Variants in CDH13 observed in about 807,000 individuals in gnomAD.
CDH13 encodes the protein cadherin-13.
CDH13 carries 24 observed loss-of-function variants against 63.8 expected under a neutral mutation model. That is an observed-to-expected ratio of 0.38 (90% CI 0.27 to 0.53). The LOEUF (loss-of-function observed/expected upper bound fraction) is 0.53, where lower values mean the gene tolerates loss of function less well. Ranked by LOEUF, CDH13 falls within the 20% of genes least tolerant of loss-of-function variation. The pLI is 0.85. For synonymous variants in CDH13, 503 were observed against 355.3 expected (o/e 1.42, Z -4.67); for missense variants, 1,049 against 903.1 (o/e 1.16, Z -2.07).
At chr16:82,956,038 C>G (rs1015849639) in intron 2 of CDH13, among the ~76,000 whole-genome samples, 5 of 152,156 alleles carry the variant, frequency 3.3e-5, no homozygotes, top group African/African-American at 4.8e-5. Context: ...ATTGAACTCT[C>G]CAAGTGCAAA....
intron 1 of CDH13, among the ~76,000 whole-genome samples, chr16:82,798,187 A>G (rs1340134226): frequency 6.6e-6 from 1 of 152,236 alleles, no homozygotes; most frequent in Non-Finnish European, 1.5e-5. Flanking sequence ...ACACCGTCTC[A>G]TTTAATCAGA....
chr16:83,036,039 A>C (rs1191658292), intron 3 of CDH13, among the ~76,000 whole-genome samples: 30 of 151,936 alleles, frequency 2.0e-4, no homozygotes, highest in Non-Finnish European at 2.9e-5. Flanking sequence ...GGGTGAGGAG[A>C]CTGAGACACA....
At chr16:83,227,845 A>G (rs2039887953) in intron 5 of CDH13, among the ~76,000 whole-genome samples, 1 of 152,150 alleles carries the variant, frequency 6.6e-6, no homozygotes, top group Non-Finnish European at 1.5e-5. Flanking sequence ...TTCAAAGGAC[A>G]TTGATCTGGC....
At chr16:83,285,296 T>A (rs917820598) in intron 5 of CDH13, among the ~76,000 whole-genome samples, 4 of 152,156 alleles carry the variant, frequency 2.6e-5, no homozygotes, top group African/African-American at 4.8e-5. Flanking sequence ...TCCTAGTCAA[T>A]TTCTCCTTGG....
At chr16:83,050,514 C>T (rs1161108347) in intron 3 of CDH13, among the ~76,000 whole-genome samples, 1 of 152,162 alleles carries the variant, frequency 6.6e-6, no homozygotes, top group East Asian at 1.9e-4. Flanking sequence ...TTTTCTTCCT[C>T]TAGTTCTTCT....
At chr16:82,932,379 A>G (rs1369197389) in intron 2 of CDH13, among the ~76,000 whole-genome samples, 1 of 152,144 alleles carries the variant, frequency 6.6e-6, no homozygotes, top group Non-Finnish European at 1.5e-5. Flanking sequence ...TCAGGCAACA[A>G]CCGCTGAAGA....
At chr16:83,494,505 A>G (rs1251248358) in intron 7 of CDH13, among the ~76,000 whole-genome samples, 1 of 152,216 alleles carries the variant, frequency 6.6e-6, no homozygotes, top group Non-Finnish European at 1.5e-5. Context: ...CCAGCAGAGA[A>G]AAATAAGAAA....
At chr16:83,227,813 G>C (rs2039886681) in intron 5 of CDH13, among the ~76,000 whole-genome samples, 1 of 152,174 alleles carries the variant, frequency 6.6e-6, no homozygotes, top group South Asian at 2.1e-4. Context: ...AAGGGATTCA[G>C]CTCAACCTGG....
intron 1 of CDH13, among the ~76,000 whole-genome samples, chr16:82,770,728 G>C (rs947044552): frequency 7.2e-5 from 11 of 151,968 alleles, no homozygotes; most frequent in African/African-American, 2.7e-4. Context: ...TTTTTCTGGA[G>C]ACAGAGTCTC....
intron 1 of CDH13, among the ~76,000 whole-genome samples, chr16:82,635,264 G>T (rs1013994515): frequency 2.0e-5 from 3 of 152,220 alleles, no homozygotes; most frequent in Non-Finnish European, 4.4e-5. Flanking sequence ...AGACATCAGA[G>T]GCAGATGAAG....
At chr16:83,450,010 C>A (rs765534546) in intron 6 of CDH13, among the ~76,000 whole-genome samples, 1 of 152,178 alleles carries the variant, frequency 6.6e-6, no homozygotes, top group Non-Finnish European at 1.5e-5. Flanking sequence ...ATAGTTCCCC[C>A]GCCCCGACCC....
intron 2 of CDH13, among the ~76,000 whole-genome samples, chr16:82,928,015 A>G (rs2042358690): frequency 6.6e-6 from 1 of 152,202 alleles, no homozygotes; most frequent in African/African-American, 2.4e-5. Context: ...TTTGCTGTGT[A>G]TCTCTCATGC....
chr16:83,476,295 C>T (rs2073602632), intron 6 of CDH13, among the ~76,000 whole-genome samples: 1 of 152,166 alleles, frequency 6.6e-6, no homozygotes, highest in Admixed American at 6.5e-5. Flanking sequence ...TATCCCCAGG[C>T]ATTGCCAAAT....
At chr16:83,074,237 C>T (rs559787627) in intron 3 of CDH13, among the ~76,000 whole-genome samples, 8 of 152,116 alleles carry the variant, frequency 5.3e-5, no homozygotes, top group African/African-American at 9.7e-5. Context: ...TGAGCATGTG[C>T]GATATTTCTC....
At chr16:83,770,866 C>G (rs1037661899) in intron 11 of CDH13, among the ~76,000 whole-genome samples, 1 of 152,088 alleles carries the variant, frequency 6.6e-6, no homozygotes, top group African/African-American at 2.4e-5. Flanking sequence ...TTATGCTGAC[C>G]TCCTATCTCA....
intron 4 of CDH13, among the ~76,000 whole-genome samples, chr16:83,186,733 A>C (rs1383564828): frequency 6.6e-6 from 1 of 152,092 alleles, no homozygotes; most frequent in East Asian, 1.9e-4. Flanking sequence ...AGCTCATTGT[A>C]ACTTAGGAAA....
chr16:83,522,540 T>G (rs550331563), intron 7 of CDH13, among the ~76,000 whole-genome samples: 2 of 152,188 alleles, frequency 1.3e-5, no homozygotes, highest in Non-Finnish European at 2.9e-5. Flanking sequence ...CATTTTTGAG[T>G]TACAGGAAAA....
intron 7 of CDH13, among the ~76,000 whole-genome samples, chr16:83,541,902 C>T (rs2075302380): frequency 6.6e-6 from 1 of 152,220 alleles, no homozygotes; most frequent in South Asian, 2.1e-4. Flanking sequence ...CCCCATGGGA[C>T]AGAGGCTGTG....
chr16:82,787,087 C>G (rs1206290823), intron 1 of CDH13, among the ~76,000 whole-genome samples: 1 of 152,162 alleles, frequency 6.6e-6, no homozygotes, highest in Non-Finnish European at 1.5e-5. Context: ...CTATAAAATA[C>G]TATTTTATCT....
Sources: allele counts gnomAD v4.1 joint callset (sites outside exome capture counted in the v4.1 genomes callset), GRCh38; gene constraint gnomAD v4.1.1; transcripts MANE v1.5; gene names NCBI Gene and HGNC (gene_info 2026-07-23, HGNC 2026-07-21).